PDSS1: variants seen among roughly 807,000 people sequenced by gnomAD.
PDSS1 encodes decaprenyl diphosphate synthase subunit 1.
Under a neutral mutation model 57.5 loss-of-function variants are expected in PDSS1, and 43 were observed. The observed-to-expected ratio is 0.75, with a 90% confidence interval of 0.59 to 0.96. PDSS1 has a LOEUF of 0.96. Ranked by LOEUF, PDSS1 falls within the 50% of genes least tolerant of loss-of-function variation. The pLI is 0.00. For missense variants in PDSS1, 438 were observed against 527.8 expected, an observed-to-expected ratio of 0.83 and a Z score of 1.67; for synonymous variants, 175 against 191.3, an observed-to-expected ratio of 0.91 and a Z score of 0.70.
intron 8 of PDSS1, among the ~76,000 whole-genome samples, chr10:26,727,500 T>TA (rs1187328189): frequency 6.6e-6 from 1 of 150,730 alleles, no homozygotes; most frequent in East Asian, 1.9e-4. Flanking sequence ...TTTTTTTTTT[T>TA]AATTCATTTT....
At chr10:26,708,258 G>C (rs1418678779) in intron 4 of PDSS1, among the ~76,000 whole-genome samples, 1 of 152,208 alleles carries the variant, frequency 6.6e-6, no homozygotes, top group Non-Finnish European at 1.5e-5. Flanking sequence ...GCCGAGCTGA[G>C]GTTCATTGAC....
intron 5 of PDSS1, among the ~76,000 whole-genome samples, chr10:26,716,018 A>G (rs910898824): frequency 2.6e-5 from 4 of 152,224 alleles, no homozygotes; most frequent in Non-Finnish European, 5.9e-5. Flanking sequence ...TTCTCTTGAC[A>G]TTAAAATGCT....
chr10:26,732,010 C>T (rs992844488), intron 8 of PDSS1, among the ~76,000 whole-genome samples: 6 of 152,196 alleles, frequency 3.9e-5, no homozygotes, highest in Non-Finnish European at 8.8e-5. Flanking sequence ...AGGTGTGAAC[C>T]TTCCCCAGAA....
Position 26,742,496 on chromosome 10 carries a change from G to T in PDSS1, c.1027-1G>T. 1 of 1,607,406 alleles carries T rather than the reference G, an allele frequency of 6.2e-7. No homozygotes were observed. Among genetic ancestry groups the T allele is most frequent in the Non-Finnish European group, 8.5e-7 (1 of 1,175,042 alleles). On this transcript the variant is annotated splice_acceptor_variant, in intron 10 of 11. Transcript: ENST00000376215. LOFTEE classifies it high-confidence loss of function. ...TCAGATTTTCTCTCTTTTTTTGTTAGTTCCCAGAAATGAATGCTATGATCA... is the reference window on the plus strand; with the variant it reads ...TCAGATTTTCTCTCTTTTTTTGTTATTTCCCAGAAATGAATGCTATGATCA...
At chr10:26,737,787 A>AG (rs1351058513) in intron 10 of PDSS1, among the ~76,000 whole-genome samples, 1 of 151,904 alleles carries the variant, frequency 6.6e-6, no homozygotes, top group Non-Finnish European at 1.5e-5. Flanking sequence ...GGAAAAAAAA[A>AG]GATTACTGTA....
intron 4 of PDSS1, among the ~76,000 whole-genome samples, chr10:26,706,327 G>A (rs911290901): frequency 6.6e-6 from 1 of 152,176 alleles, no homozygotes; most frequent in African/African-American, 2.4e-5. Context: ...CTAGCACTTT[G>A]AGAGGACACC....
intron 4 of PDSS1, among the ~76,000 whole-genome samples, chr10:26,706,717 G>A (rs1835232194): frequency 6.6e-6 from 1 of 151,966 alleles, no homozygotes; most frequent in Admixed American, 6.6e-5. Flanking sequence ...CTCCACTATT[G>A]CACTGGGGCC....
rs3118153 is a variant in PDSS1, at chr10:26,728,029, A to T, written c.831+3906A>T. 2.6e-5 allele frequency among the ~76,000 whole-genome samples: 4 copies of T among 152,204 alleles called. No homozygotes were observed. In the South Asian group the frequency reaches 8.3e-4, roughly 32 times the overall value. ...AGGCGCGTGCTGTCTTGTCTGTCCC[A>T]TTACTGGTGATGCATGCCTGGATCG... On this transcript the variant is annotated intron_variant, in intron 8 of 11. Coordinates refer to ENST00000376215, the MANE Select transcript of PDSS1 (RefSeq NM_014317.5).
At position 26,742,511 on chromosome 10, in the gene PDSS1, T is replaced by C; in HGVS notation, c.1041T>C (p.Asn347=). Residue 347 remains asparagine, a synonymous_variant, in exon 11 of 12, where the codon AAT becomes AAC. Transcript: ENST00000376215. ...LFACQQFPEM[N]AMIMRRFSLP... ...TTTTTTGTTAGTTCCCAGAAATGAA[T>C]GCTATGATCATGCGACGGTTCAGTT... 6.2e-7 allele frequency: 1 copy of C among 1,611,574 alleles called. No homozygotes were observed. Among genetic ancestry groups the C allele is most frequent in the Non-Finnish European group, 8.5e-7 (1 of 1,178,146 alleles).
chr10:26,706,119 C>T (rs12245888), intron 4 of PDSS1, among the ~76,000 whole-genome samples: 26,846 of 152,184 alleles, frequency 0.18, 3,146 homozygotes, highest in East Asian at 0.55. Flanking sequence ...CCCAACCTCA[C>T]GTGGTTGGGC....
intron 5 of PDSS1, among the ~76,000 whole-genome samples, chr10:26,711,962 C>T (rs56067939): frequency 0.24 from 21,912 of 93,132 alleles, 8,584 homozygotes; most frequent in East Asian, 0.77. Flanking sequence ...GTACTATCAC[C>T]CACTGTCCCC....
rs71483810 is a variant in PDSS1 at position 26,728,771 on chromosome 10, T to C, written c.831+4648T>C. On this transcript the variant is annotated intron_variant, in intron 8 of 11. Transcript: ENST00000376215. ...GCTCTTGGATTCTTATTTTATTCTG[T>C]ATCTTTTTTTTTTTTTTTTTTTTTT... Among the ~76,000 whole-genome samples, 9 of 122,086 alleles carry C rather than the reference T, an allele frequency of 7.4e-5. 1 individual carries two copies. The East Asian group carries it at 1.9e-3, about 26-fold the overall frequency. 80.1% of individuals were successfully genotyped at this position (122,086 alleles called of 152,430 possible). A position where few individuals can be genotyped will look rare whatever the true frequency, so the allele number is the denominator to read the frequency against.
intron 8 of PDSS1, chr10:26,734,533 G>C: frequency 2.7e-6 from 1 of 369,460 alleles, no homozygotes. Context: ...AAGACTTTCA[G>C]AAGTCTTATT....
At chr10:26,745,949 ATG>A (rs2132333989) in intron 11 of PDSS1, among the ~76,000 whole-genome samples, 1 of 152,180 alleles carries the variant, frequency 6.6e-6, no homozygotes, top group South Asian at 2.1e-4. Context: ...TCATTTTGTT[ATG>A]TCTTTATTCT....
chr10:26,732,702 T>G (rs1361902615), intron 8 of PDSS1, among the ~76,000 whole-genome samples: 1 of 152,234 alleles, frequency 6.6e-6, no homozygotes, highest in Non-Finnish European at 1.5e-5. Context: ...CGCTCAGAAA[T>G]TGTTAGCTTT....
At chr10:26,725,636 C>T (rs1202836606) in intron 8 of PDSS1, among the ~76,000 whole-genome samples, 1 of 152,086 alleles carries the variant, frequency 6.6e-6, no homozygotes, top group Non-Finnish European at 1.5e-5. Flanking sequence ...TTATCATGCC[C>T]TTGATGGCCC....
At chr10:26,732,051 G>T (rs1021147510) in intron 8 of PDSS1, among the ~76,000 whole-genome samples, 1 of 152,250 alleles carries the variant, frequency 6.6e-6, no homozygotes, top group South Asian at 2.1e-4. Context: ...CAGCCTGGCT[G>T]CAGCATCTGC....
rs1275451163 is a variant in PDSS1 at position 26,731,585 on chromosome 10, C to A, written c.832-3655C>A. ...CACATGTGGTTTTGTTAGGCACCAC[C>A]AGATTTCCCTCTGTTGGGTCTGTAC... On this transcript the variant is annotated intron_variant, in intron 8 of 11. Coordinates refer to ENST00000376215, the MANE Select transcript of PDSS1 (RefSeq NM_014317.5). Among the ~76,000 whole-genome samples the A allele has an allele frequency of 2.0e-5, 3 of 152,166 alleles. No homozygotes were observed. The East Asian group carries it at 5.8e-4, about 29-fold the overall frequency.
chr10:26,741,460 T>A (rs1836603008), intron 10 of PDSS1, among the ~76,000 whole-genome samples: 1 of 151,636 alleles, frequency 6.6e-6, no homozygotes, highest in South Asian at 2.1e-4. Flanking sequence ...CACTCCAGCC[T>A]GTGTGATGGA....
Sources: gnomAD v4.1 joint callset for allele counts (sites outside exome capture counted in the v4.1 genomes callset) on GRCh38, gnomAD v4.1.1 for gene constraint, MANE v1.5 for transcripts, NCBI Gene and HGNC (gene_info 2026-07-23, HGNC 2026-07-21) for gene names.